The following NBEA variants were observed in gnomAD, a reference collection of about 807,000 sequenced individuals.
NBEA encodes the protein neurobeachin.
Under a neutral mutation model 343.4 loss-of-function variants are expected in NBEA, and 44 were observed. The ratio of observed to expected loss-of-function variants is 0.13; its 90% confidence interval spans 0.10 to 0.16. The LOEUF (loss-of-function observed/expected upper bound fraction) is 0.16. NBEA is among the 10% of genes least tolerant of loss of function. The pLI, the probability that NBEA is intolerant of heterozygous loss-of-function variation, is 1.00. For synonymous variants in NBEA, 1,175 were observed against 1,238.7 expected (o/e 0.95, Z 1.08); for missense variants, 2,555 against 3,631.3 (o/e 0.70, Z 7.62).
At chr13:35,243,944 C>A (rs1425116966) in intron 34 of NBEA, among the ~76,000 whole-genome samples, 1 of 151,828 alleles carries the variant, frequency 6.6e-6, no homozygotes, top group African/African-American at 2.4e-5. Context: ...TCAGAATATA[C>A]ATTTTTCTAA....
chr13:35,648,051 A>G (rs1026370216), intron 51 of NBEA, among the ~76,000 whole-genome samples: 1 of 150,992 alleles, frequency 6.6e-6, no homozygotes, highest in African/African-American at 2.4e-5. Flanking sequence ...AAATTTTTAA[A>G]ATTTTTTGTA....
chr13:35,431,467 C>G (rs1371345530), intron 38 of NBEA, among the ~76,000 whole-genome samples: 1 of 151,936 alleles, frequency 6.6e-6, no homozygotes, highest in Non-Finnish European at 1.5e-5. Context: ...GTTTCATTGG[C>G]TATATAATGG....
chr13:35,428,157 G>C (rs944888329), intron 38 of NBEA, among the ~76,000 whole-genome samples: 2 of 152,236 alleles, frequency 1.3e-5, no homozygotes, highest in African/African-American at 4.8e-5. Context: ...CCACTGTCTG[G>C]CACACCCCAG....
intron 1 of NBEA, among the ~76,000 whole-genome samples, chr13:35,005,231 T>C (rs1236403708): frequency 1.3e-5 from 2 of 151,364 alleles, no homozygotes; most frequent in Non-Finnish European, 2.9e-5. Flanking sequence ...TTTTTTTTTT[T>C]CTGACCATGA....
At chr13:34,997,350 A>G (rs1174360238) in intron 1 of NBEA, among the ~76,000 whole-genome samples, 1 of 152,198 alleles carries the variant, frequency 6.6e-6, no homozygotes, top group Non-Finnish European at 1.5e-5. Flanking sequence ...ATTCGAATAG[A>G]TGGTTTGTAA....
chr13:35,567,327 A>G (rs2080182295), intron 45 of NBEA, among the ~76,000 whole-genome samples: 1 of 152,200 alleles, frequency 6.6e-6, no homozygotes, highest in Non-Finnish European at 1.5e-5. Context: ...TATGATGGCA[A>G]ATCATTTATG....
intron 34 of NBEA, among the ~76,000 whole-genome samples, chr13:35,268,460 T>C (rs1015690737): frequency 3.9e-5 from 6 of 152,112 alleles, no homozygotes; most frequent in Non-Finnish European, 8.8e-5. Flanking sequence ...CTGAACTTAA[T>C]ACCTCTGCCT....
chr13:34,945,856 A>T (rs946944321), intron 1 of NBEA, among the ~76,000 whole-genome samples: 4 of 152,140 alleles, frequency 2.6e-5, no homozygotes, highest in East Asian at 3.9e-4. Context: ...AAAGCTGGGC[A>T]GAGTGAAGTT....
At chr13:35,569,423 C>T (rs370637687) in intron 45 of NBEA, among the ~76,000 whole-genome samples, 4 of 152,256 alleles carry the variant, frequency 2.6e-5, no homozygotes, top group Admixed American at 6.5e-5. Context: ...ATTACAACCT[C>T]GTACGATGAC....
At chr13:35,210,856 C>T (rs1359019677) in intron 32 of NBEA, among the ~76,000 whole-genome samples, 197 bp from the exon 33 acceptor site, 1 of 152,012 alleles carries the variant, frequency 6.6e-6, no homozygotes. Context: ...GTAAGTAAAT[C>T]AATTAGATTT....
At chr13:35,083,608 G>A (rs978753939) in intron 10 of NBEA, among the ~76,000 whole-genome samples, 1 of 152,080 alleles carries the variant, frequency 6.6e-6, no homozygotes, top group Non-Finnish European at 1.5e-5. Context: ...CCTGAAGGAA[G>A]CACTCAACAT....
intron 1 of NBEA, among the ~76,000 whole-genome samples, chr13:35,028,652 C>T (rs1330640492): frequency 6.6e-6 from 1 of 151,616 alleles, no homozygotes; most frequent in Non-Finnish European, 1.5e-5. Flanking sequence ...TGCCTTATTA[C>T]TCTGCATAGA....
chr13:34,943,074 A>G lies in NBEA; in HGVS notation c.254A>G (p.Glu85Gly). 1 of 1,613,636 alleles carries G rather than the reference A, an allele frequency of 6.2e-7. No homozygotes were observed. Among genetic ancestry groups the G allele is most frequent in the Non-Finnish European group, 8.5e-7 (1 of 1,179,736 alleles). Residue 85 changes from glutamate to glycine, a missense_variant, in exon 1 of 59, where the codon GAG (glutamate) becomes GGG (glycine). Coordinates refer to ENST00000379939, the MANE Select transcript of NBEA (RefSeq NM_001385012.1). ...TTGATTGGACTCATACAGGTCGGAG[A>G]GGTCAGCAACAGGGACATCGTGGAG... ...AVLIGLIQVG[E>G]VSNRDIVETV...
At chr13:35,270,480 A>C (rs1405135912) in intron 34 of NBEA, among the ~76,000 whole-genome samples, 1 of 152,192 alleles carries the variant, frequency 6.6e-6, no homozygotes, top group Non-Finnish European at 1.5e-5. Context: ...GACTGGTTGG[A>C]CAGTGGGTGC....
At chr13:35,284,128 AGTTCAGTGGTT>A (rs750087782) in intron 34 of NBEA, among the ~76,000 whole-genome samples, 1 of 152,136 alleles carries the variant, frequency 6.6e-6, no homozygotes, top group Non-Finnish European at 1.5e-5. Context: ...CACATGCCAG[AGTTCAGTGGTT>A]GTGACAGAAA....
chr13:35,380,198 A>T (rs1017116612), intron 38 of NBEA, among the ~76,000 whole-genome samples: 1 of 144,426 alleles, frequency 6.9e-6, no homozygotes, highest in African/African-American at 2.5e-5. Context: ...TAATCCCAGC[A>T]CTTTGGAAGG....
At chr13:35,496,243 C>A (rs189776255) in intron 41 of NBEA, among the ~76,000 whole-genome samples, 1 of 151,976 alleles carries the variant, frequency 6.6e-6, no homozygotes, top group African/African-American at 2.4e-5. Context: ...CCTCAGCCTC[C>A]CAAGTAGTTG....
At chr13:35,643,116 T>C (rs1420247155) in intron 49 of NBEA, among the ~76,000 whole-genome samples, 1 of 152,004 alleles carries the variant, frequency 6.6e-6, no homozygotes, top group Non-Finnish European at 1.5e-5. Flanking sequence ...TTGATATATT[T>C]GGAAATTTTT....
At chr13:35,558,227 C>G (rs1160786372) in intron 44 of NBEA, among the ~76,000 whole-genome samples, 1 of 152,046 alleles carries the variant, frequency 6.6e-6, no homozygotes, top group Non-Finnish European at 1.5e-5. Flanking sequence ...AGTGAGGAAG[C>G]AGACGTATAC....
Sources: gnomAD v4.1 joint callset for allele counts (sites outside exome capture counted in the v4.1 genomes callset) on GRCh38, gnomAD v4.1.1 for gene constraint, MANE v1.5 for transcripts, NCBI Gene and HGNC (gene_info 2026-07-23, HGNC 2026-07-21) for gene names.